The following PAMR1 variants were observed in gnomAD, a reference collection of about 807,000 sequenced individuals.
The protein encoded by PAMR1 is peptidase domain containing associated with muscle regeneration 1.
A neutral mutation model predicts 81.8 loss-of-function variants in PAMR1; 88 were observed. The observed-to-expected ratio is 1.08, with a 90% CI of 0.91 to 1.28. The LOEUF is 1.28. PAMR1 is among the 50% of genes most tolerant of loss of function. The pLI is 0.00. For missense variants in PAMR1, 935 were observed against 919.7 expected, an observed-to-expected ratio of 1.02 and a Z score of -0.21; for synonymous variants, 336 against 345.3, an observed-to-expected ratio of 0.97 and a Z score of 0.30.
At chr11:35,527,012 G>A (rs1385842060), upstream of PAMR1, among the ~76,000 whole-genome samples, 1 of 152,178 alleles carries the variant, frequency 6.6e-6, no homozygotes, top group East Asian at 1.9e-4. Flanking sequence ...ATTAAGAAAT[G>A]GAAGTGGAAG....
Position 35,439,685 on chromosome 11 carries a change from C to T in PAMR1, c.1042G>A (p.Glu348Lys), listed in dbSNP as rs1035179047. Residue 348 changes from glutamate (E) to lysine (K), a missense_variant, in exon 8 of 11, where the codon GAA becomes AAA. Coordinates refer to ENST00000619888, the MANE Select transcript of PAMR1 (RefSeq NM_001001991.3). The stretch of plus-strand genomic sequence containing the variant: ...CTCACCAGGTCTGAAATCTTTGGTT[C>T]TCGGCAGGCTAGAAATAAAAAAGAC... Reference protein sequence around the residue: ...KQPICIKACREPKISDLVRRR... With the variant: ...KQPICIKACRKPKISDLVRRR... The T allele has an allele frequency of 5.6e-6, 9 of 1,613,416 alleles. No individual in the cohort carries two copies. Among genetic ancestry groups the T allele is most frequent in the Non-Finnish European group, 7.6e-6 (9 of 1,179,488 alleles).
intron 6 of PAMR1, among the ~76,000 whole-genome samples, chr11:35,462,723 A>G (rs907978189): frequency 6.6e-6 from 1 of 152,118 alleles, no homozygotes; most frequent in African/African-American, 2.4e-5. Flanking sequence ...CCCTAAGAGG[A>G]ATTTGGTATT....
chr11:35,491,983 T>C, intron 3 of PAMR1, 62 bp downstream of exon 3: 4 of 1,456,048 alleles, frequency 2.7e-6, no homozygotes, highest in East Asian at 2.5e-5. Context: ...TTTTGGTCCA[T>C]TGTAAGCTGA....
chr11:35,497,143 G>A (rs182727787), intron 1 of PAMR1, among the ~76,000 whole-genome samples: 161 of 152,250 alleles, frequency 1.1e-3, no homozygotes, highest in African/African-American at 3.7e-3. Flanking sequence ...ACCAGCCTGG[G>A]AAACAGACCA....
chr11:35,441,648 C>T lies in PAMR1; in HGVS notation c.866G>A (p.Gly289Glu). 6.2e-7 allele frequency: 1 copy of T among 1,613,858 alleles called. No individual in the cohort carries two copies. The highest frequency in any genetic ancestry group is 8.5e-7 in the Non-Finnish European group (1 of 1,179,850). The change falls in exon 7 of 11, where the codon GGG becomes GAG. Residue 289 changes from glycine (G) to glutamate (E), a missense_variant. By Grantham distance (98) the Gly-to-Glu change is moderately conservative. Coordinates refer to ENST00000619888, the MANE Select transcript of PAMR1 (RefSeq NM_001001991.3). ...AGGGCCCCCTGTTATTTTCTGGTAC[C>T]CATTGACTGGGCCCCCAGGGTCTGA... ...NCSDPGGPVNGYQKITGGPGL... is the reference protein window; with the variant it reads ...NCSDPGGPVNEYQKITGGPGL...
chr11:35,444,005 C>A (rs1385323366), intron 6 of PAMR1, among the ~76,000 whole-genome samples: 1 of 152,012 alleles, frequency 6.6e-6, no homozygotes, highest in Admixed American at 6.6e-5. Context: ...CTTTAAAATT[C>A]ATAAGGAAGC....
chr11:35,489,817 A>G (rs1850583793), intron 3 of PAMR1, among the ~76,000 whole-genome samples: 1 of 152,160 alleles, frequency 6.6e-6, no homozygotes, highest in Admixed American at 6.5e-5. Context: ...CCCTGTCATT[A>G]ACTGTTCTGT....
chr11:35,443,994 T>C (rs1473539199), intron 6 of PAMR1, among the ~76,000 whole-genome samples: 1 of 152,178 alleles, frequency 6.6e-6, no homozygotes, highest in Non-Finnish European at 1.5e-5. Context: ...TGCATAAATG[T>C]CTTTAAAATT....
rs562884835 is a variant in PAMR1, at chr11:35,434,230, G to T, written c.1626+282C>A. On this transcript the variant is annotated intron_variant, in intron 10 of 10. Transcript: ENST00000619888. Reference sequence around the variant, plus strand: ...CAGGTAACATGTGCTACTAGGAGAAGTACATTTTACTCTTAGGTGATTAAC... The same window carrying T: ...CAGGTAACATGTGCTACTAGGAGAATTACATTTTACTCTTAGGTGATTAAC... 5.3e-5 allele frequency among the ~76,000 whole-genome samples: 8 copies of T among 152,140 alleles called. No individual in the cohort carries two copies. In the South Asian group the frequency reaches 1.0e-3, roughly 20 times the overall value.
At chr11:35,449,608 G>A (rs1393698646) in intron 6 of PAMR1, among the ~76,000 whole-genome samples, 1 of 152,194 alleles carries the variant, frequency 6.6e-6, no homozygotes, top group East Asian at 1.9e-4. Flanking sequence ...AGTGATGGCT[G>A]CCTCCCCTCC....
intron 1 of PAMR1, 117 bp downstream of exon 1, chr11:35,525,396 C>T (rs1214833627): frequency 1.2e-6 from 1 of 815,586 alleles, no homozygotes; most frequent in African/African-American, 1.7e-5. Context: ...CCCCTCACCC[C>T]AAACACACAC....
chr11:35,507,201 C>T (rs1301674569), intron 1 of PAMR1, among the ~76,000 whole-genome samples: 1 of 151,950 alleles, frequency 6.6e-6, no homozygotes, highest in East Asian at 1.9e-4. Flanking sequence ...GCATGCACCA[C>T]CAAGCCCGGC....
intron 1 of PAMR1, among the ~76,000 whole-genome samples, chr11:35,505,125 G>A (rs575154499): frequency 9.9e-4 from 151 of 152,030 alleles, no homozygotes; most frequent in African/African-American, 3.4e-3. Context: ...GTCATTCATA[G>A]GCACATTGTT....
intron 3 of PAMR1, among the ~76,000 whole-genome samples, chr11:35,484,470 C>T (rs543103471): frequency 1.3e-5 from 2 of 152,206 alleles, no homozygotes; most frequent in Non-Finnish European, 2.9e-5. Flanking sequence ...GGAGGGCAGC[C>T]CCGAAAGTCA....
At chr11:35,498,459 C>T (rs1850768245) in intron 1 of PAMR1, among the ~76,000 whole-genome samples, 1 of 152,138 alleles carries the variant, frequency 6.6e-6, no homozygotes, top group Admixed American at 6.5e-5. Context: ...TGCATATAAA[C>T]AGCTTAGCAC....
chr11:35,510,298 C>T (rs1184257928), intron 1 of PAMR1, among the ~76,000 whole-genome samples: 1 of 152,162 alleles, frequency 6.6e-6, no homozygotes, highest in Non-Finnish European at 1.5e-5. Context: ...TCATCATTAT[C>T]ACTGGAGCCC....
At chr11:35,498,097 G>A (rs1850760766) in intron 1 of PAMR1, among the ~76,000 whole-genome samples, 1 of 152,186 alleles carries the variant, frequency 6.6e-6, no homozygotes, top group African/African-American at 2.4e-5. Flanking sequence ...AGTTTTCCTA[G>A]TGGAATGTGT....
chr11:35,435,494 C>T (rs1856020879), intron 9 of PAMR1, among the ~76,000 whole-genome samples: 1 of 152,146 alleles, frequency 6.6e-6, no homozygotes, highest in Non-Finnish European at 1.5e-5. Flanking sequence ...AGGCATGAGC[C>T]ACCGGTGCCC....
intron 6 of PAMR1, among the ~76,000 whole-genome samples, chr11:35,464,626 G>C (rs775902140): frequency 6.6e-6 from 1 of 152,180 alleles, no homozygotes; most frequent in Non-Finnish European, 1.5e-5. Context: ...ACCCCTGGTT[G>C]AGAACCACTG....
Sources: gnomAD v4.1 joint callset for allele counts (sites outside exome capture counted in the v4.1 genomes callset) on GRCh38, gnomAD v4.1.1 for gene constraint, MANE v1.5 for transcripts, NCBI Gene and HGNC (gene_info 2026-07-23, HGNC 2026-07-21) for gene names.